THEMIS: variants seen among roughly 807,000 people sequenced by gnomAD.
THEMIS encodes the protein protein THEMIS.
THEMIS carries 37 observed loss-of-function variants against 52.6 expected under a neutral mutation model. The ratio of observed to expected loss-of-function variants is 0.70; its 90% CI spans 0.54 to 0.93. The LOEUF (loss-of-function observed/expected upper bound fraction) is 0.93. Ranked by LOEUF, THEMIS falls within the 40% of genes least tolerant of loss-of-function variation. The pLI is 0.00. For synonymous variants in THEMIS, 292 were observed against 272.7 expected (o/e 1.07, Z -0.70); for missense variants, 808 against 763.1 (o/e 1.06, Z -0.69).
intron 2 of THEMIS, among the ~76,000 whole-genome samples, chr6:127,837,216 T>C (rs187088265): frequency 8.6e-5 from 13 of 151,996 alleles, no homozygotes; most frequent in Admixed American, 8.5e-4. Context: ...CATCAAAAAC[T>C]AAGAATAATA....
At chr6:127,737,108 A>C (rs1775034888) in intron 4 of THEMIS, among the ~76,000 whole-genome samples, 1 of 152,122 alleles carries the variant, frequency 6.6e-6, no homozygotes, top group South Asian at 2.1e-4. Flanking sequence ...GTAATTATAT[A>C]TTCCCACCAG....
At chr6:127,741,329 T>G (rs1340962212) in intron 4 of THEMIS, among the ~76,000 whole-genome samples, 1 of 152,238 alleles carries the variant, frequency 6.6e-6, no homozygotes, top group Non-Finnish European at 1.5e-5. Context: ...TCTTGATGTC[T>G]CTTCTGATCT....
the THEMIS span, among the ~76,000 whole-genome samples, chr6:127,699,283 A>G: frequency 6.6e-6 from 1 of 151,508 alleles, no homozygotes; most frequent in African/African-American, 2.4e-5. Flanking sequence ...TGTCATAACC[A>G]TCTTTTTTGG....
chr6:127,746,975 TTA>T (rs1491375670), intron 4 of THEMIS, among the ~76,000 whole-genome samples: 49 of 83,264 alleles, frequency 5.9e-4, no homozygotes, highest in African/African-American at 2.6e-3. Context: ...TATAATTATA[TTA>T]TATATAATTA....
At chr6:127,859,331 C>T (rs1017552204) in intron 1 of THEMIS, among the ~76,000 whole-genome samples, 3 of 152,150 alleles carry the variant, frequency 2.0e-5, no homozygotes, top group African/African-American at 7.2e-5. Context: ...CTCCTCTGTG[C>T]TCTGATAGCA....
At chr6:127,725,270 C>T (rs1478669899) in intron 4 of THEMIS, among the ~76,000 whole-genome samples, 1 of 151,984 alleles carries the variant, frequency 6.6e-6, no homozygotes, top group Non-Finnish European at 1.5e-5. Context: ...TAACTTTCTT[C>T]CAGAGAATTA....
At chr6:127,908,026 C>G (rs1443874974) in intron 1 of THEMIS, among the ~76,000 whole-genome samples, 1 of 151,958 alleles carries the variant, frequency 6.6e-6, no homozygotes, top group African/African-American at 2.4e-5. Flanking sequence ...ATGCAACATG[C>G]AAAATGCAAC....
At chr6:127,827,561 C>T (rs1778548358) in intron 3 of THEMIS, among the ~76,000 whole-genome samples, 1 of 152,232 alleles carries the variant, frequency 6.6e-6, no homozygotes, top group African/African-American at 2.4e-5. Context: ...ACAGTTAAGT[C>T]CTACCTAAAC....
intron 1 of THEMIS, among the ~76,000 whole-genome samples, chr6:127,871,863 G>C (rs1453814654): frequency 1.3e-5 from 2 of 152,056 alleles, no homozygotes; most frequent in African/African-American, 2.4e-5. Context: ...GAAACAATCT[G>C]CCAAACTTCT....
At chr6:127,782,289 C>T (rs1776772105) in intron 4 of THEMIS, among the ~76,000 whole-genome samples, 1 of 152,146 alleles carries the variant, frequency 6.6e-6, no homozygotes, top group African/African-American at 2.4e-5. Context: ...CTTCAGCCCT[C>T]ATTCCAGGGG....
chr6:127,908,628 A>G (rs1464614768), intron 1 of THEMIS, among the ~76,000 whole-genome samples: 2 of 152,142 alleles, frequency 1.3e-5, no homozygotes, highest in Non-Finnish European at 2.9e-5. Context: ...GAACCATGAA[A>G]TAAAAAATGA....
At chr6:127,733,787 A>C (rs1774891780) in intron 4 of THEMIS, among the ~76,000 whole-genome samples, 1 of 152,210 alleles carries the variant, frequency 6.6e-6, no homozygotes, top group Non-Finnish European at 1.5e-5. Flanking sequence ...GACCGCTCAC[A>C]GACAAAACAA....
chr6:127,828,542 T>G (rs961070713), intron 3 of THEMIS, among the ~76,000 whole-genome samples: 1 of 152,200 alleles, frequency 6.6e-6, no homozygotes, highest in African/African-American at 2.4e-5. Context: ...CTCTTTACTA[T>G]CCATCCTACT....
At chr6:127,800,179 G>C (rs896743738) in intron 4 of THEMIS, among the ~76,000 whole-genome samples, 3 of 152,150 alleles carry the variant, frequency 2.0e-5, no homozygotes, top group African/African-American at 7.2e-5. Flanking sequence ...GACTAAATGA[G>C]TTGATGCATG....
At chr6:127,735,921 A>C (rs148146719) in intron 4 of THEMIS, among the ~76,000 whole-genome samples, 2 of 152,214 alleles carry the variant, frequency 1.3e-5, no homozygotes, top group Non-Finnish European at 2.9e-5. Flanking sequence ...TCCTGAAAGC[A>C]TTCATGAAAC....
At position 127,710,896 on chromosome 6, in the gene THEMIS, T is replaced by C. The variant is rs1411671837; in HGVS notation, c.1895-880A>G. ...CTGGAGAGAAAGTCTCTGTTGGTCT[T>C]CCTTCTGAGCACTCAATAGCCTATA... On this transcript the variant is annotated intron_variant, in intron 5 of 5. Transcript: ENST00000368248. Among the ~76,000 whole-genome samples the C allele has an allele frequency of 2.0e-5, 3 of 151,894 alleles. No homozygotes were observed. In the South Asian group the frequency reaches 6.2e-4, roughly 32 times the overall value.
intron 1 of THEMIS, among the ~76,000 whole-genome samples, chr6:127,890,604 C>T (rs1780775247): frequency 6.6e-6 from 1 of 151,962 alleles, no homozygotes; most frequent in African/African-American, 2.4e-5. Context: ...AGTCCCAAAA[C>T]AAAGAAATGA....
chr6:127,875,839 C>T lies in THEMIS; in HGVS notation c.92-20651G>A, dbSNP rs567696628. Among the ~76,000 whole-genome samples the T allele has an allele frequency of 1.4e-4, 22 of 152,316 alleles. No individual in the cohort carries two copies. In the East Asian group the frequency reaches 3.1e-3, roughly 21 times the overall value. ...TCATGTGTCACCTTGATTGTCCTCT[C>T]ATGCCGATGAAGTTAGCAACAAACA... On this transcript the variant is annotated intron_variant, in intron 1 of 5. Coordinates refer to ENST00000368248, the MANE Select transcript of THEMIS (RefSeq NM_001010923.3).
intron 2 of THEMIS, among the ~76,000 whole-genome samples, chr6:127,840,548 A>G (rs924798965): frequency 3.3e-5 from 5 of 152,130 alleles, no homozygotes; most frequent in Admixed American, 1.3e-4. Flanking sequence ...CCCATTTTCT[A>G]ATTTTCTACA....
Sources: allele counts gnomAD v4.1 joint callset (sites outside exome capture counted in the v4.1 genomes callset), GRCh38; gene constraint gnomAD v4.1.1; transcripts MANE v1.5; gene names NCBI Gene and HGNC (gene_info 2026-07-23, HGNC 2026-07-21).